The following AK9 variants were observed in gnomAD, a reference collection of about 807,000 sequenced individuals.
AK9 encodes adenylate kinase 9.
AK9 carries 191 observed loss-of-function variants against 239.6 expected under a neutral mutation model. The observed-to-expected ratio is 0.80, with a 90% CI of 0.71 to 0.90. The LOEUF is 0.90. AK9 is among the 40% of genes least tolerant of loss of function. The pLI is 0.00. For missense variants in AK9, 1,995 were observed against 2,214.7 expected, an observed-to-expected ratio of 0.90 and a Z score of 1.99; for synonymous variants, 689 against 721.0, an observed-to-expected ratio of 0.96 and a Z score of 0.71.
intron 18 of AK9, 83 bp downstream of exon 18, chr6:109,585,833 G>A: frequency 7.8e-7 from 1 of 1,281,142 alleles, no homozygotes; most frequent in Non-Finnish European, 1.1e-6. Context: ...TAGGAAGAGT[G>A]GAGAGTTGTC....
intron 12 of AK9, among the ~76,000 whole-genome samples, chr6:109,624,017 G>A (rs372187176): frequency 2.6e-5 from 4 of 151,430 alleles, no homozygotes; most frequent in South Asian, 4.2e-4. Flanking sequence ...TCACAATTAC[G>A]TAGAACATGT....
intron 32 of AK9, among the ~76,000 whole-genome samples, chr6:109,509,620 T>C (rs992953479): frequency 6.6e-6 from 1 of 151,862 alleles, no homozygotes; most frequent in Non-Finnish European, 1.5e-5. Flanking sequence ...CTCATCCTCC[T>C]GGGTGTGGCT....
intron 24 of AK9, among the ~76,000 whole-genome samples, chr6:109,551,096 G>C (rs1680407310): frequency 6.6e-6 from 1 of 151,674 alleles, no homozygotes; most frequent in Non-Finnish European, 1.5e-5. Flanking sequence ...AATACAAAGG[G>C]AATACTTTAC....
intron 8 of AK9, among the ~76,000 whole-genome samples, 186 bp downstream of exon 8, chr6:109,656,570 G>A (rs931064668): frequency 1.3e-5 from 2 of 152,130 alleles, no homozygotes; most frequent in Non-Finnish European, 2.9e-5. Flanking sequence ...CTTTGTAAGA[G>A]TAAAATAATA....
chr6:109,595,021 A>C (rs1790824656), intron 17 of AK9, among the ~76,000 whole-genome samples: 1 of 152,214 alleles, frequency 6.6e-6, no homozygotes, highest in Non-Finnish European at 1.5e-5. Flanking sequence ...GATCTAATTA[A>C]ATTAAAGAGC....
intron 32 of AK9, among the ~76,000 whole-genome samples, chr6:109,511,212 T>C (rs1040401947): frequency 6.6e-6 from 1 of 152,188 alleles, no homozygotes; most frequent in Non-Finnish European, 1.5e-5. Flanking sequence ...ATATTCCTGT[T>C]TCACTGAATT....
At chr6:109,530,383 T>A (rs1177311187) in intron 28 of AK9, among the ~76,000 whole-genome samples, 1 of 152,234 alleles carries the variant, frequency 6.6e-6, no homozygotes, top group Non-Finnish European at 1.5e-5. Context: ...ATTCATTTGG[T>A]TTATGAGCCC....
At chr6:109,552,517 G>A (rs1269410966) in intron 24 of AK9, among the ~76,000 whole-genome samples, 2 of 152,096 alleles carry the variant, frequency 1.3e-5, no homozygotes, top group Non-Finnish European at 2.9e-5. Context: ...AGAAGTGTCT[G>A]TTCATACATT....
chr6:109,664,870 T>TAA (rs1238437860), intron 5 of AK9, among the ~76,000 whole-genome samples: 3 of 148,946 alleles, frequency 2.0e-5, no homozygotes, highest in Admixed American at 1.3e-4. Context: ...CCATCTCTAC[T>TAA]AAAAAAAAAA....
intron 17 of AK9, among the ~76,000 whole-genome samples, chr6:109,607,105 T>C (rs1237082050): frequency 6.6e-6 from 1 of 152,076 alleles, no homozygotes; most frequent in African/African-American, 2.4e-5. Flanking sequence ...GGAGGCACAG[T>C]TTTTAAAATG....
chr6:109,591,748 C>G (rs1319198300), intron 17 of AK9, among the ~76,000 whole-genome samples: 2 of 151,956 alleles, frequency 1.3e-5, no homozygotes, highest in Admixed American at 1.3e-4. Context: ...GTGATGAATT[C>G]CCTTATTGTT....
Position 109,659,349 on chromosome 6 carries a change from A to G in AK9, c.509T>C (p.Ile170Thr), listed in dbSNP as rs1418845130. 2 of 1,612,284 alleles carry G rather than the reference A, an allele frequency of 1.2e-6. No homozygotes were observed. The highest frequency in any genetic ancestry group is 1.7e-6 in the Non-Finnish European group (2 of 1,179,626). The change falls in exon 7 of 41, where the codon ATA becomes ACA. Residue 170 changes from isoleucine (I) to threonine (T), a missense_variant. By Grantham distance (89) the Ile-to-Thr change is moderately conservative (BLOSUM62 -1). This residue lies in a region of AK9 where 252 missense variants were observed against 246.4 expected (regional missense o/e 1.02). Coordinates refer to ENST00000424296, the MANE Select transcript of AK9 (RefSeq NM_001145128.3). The stretch of plus-strand genomic sequence containing the variant: ...AGGATCCCACTGGTCTCTACTGTAT[A>G]TGTATCCCGTATTATTGTGCTGTCT... ...GQRQHNNTGY[I>T]YSRDQWDPEV... is the part of the protein sequence containing the mutation.
chr6:109,653,682 T>TCTC (rs143980301), intron 8 of AK9, among the ~76,000 whole-genome samples: 83,839 of 147,548 alleles, frequency 0.57, 25,432 homozygotes, highest in East Asian at 0.84. Flanking sequence ...ATTTTTTTTT[T>TCTC]TTTCTCTCTC....
At chr6:109,576,833 C>CTT (rs552286836) in intron 20 of AK9, among the ~76,000 whole-genome samples, 13 of 135,092 alleles carry the variant, frequency 9.6e-5, no homozygotes, top group African/African-American at 8.1e-5. Context: ...TCATAGATTT[C>CTT]TTTTTTTTTT....
intron 21 of AK9, among the ~76,000 whole-genome samples, chr6:109,566,795 A>G (rs995295374): frequency 4.6e-5 from 7 of 152,176 alleles, no homozygotes; most frequent in Non-Finnish European, 7.4e-5. Context: ...CCACTCAACT[A>G]CATGGAAACT....
chr6:109,581,055 G>A (rs978118795), intron 19 of AK9, among the ~76,000 whole-genome samples: 4 of 151,940 alleles, frequency 2.6e-5, no homozygotes, highest in African/African-American at 7.3e-5. Flanking sequence ...ATTGTTTGGG[G>A]CACCATGAAC....
At chr6:109,621,761 A>G (rs1198966425) in intron 12 of AK9, among the ~76,000 whole-genome samples, 1 of 143,928 alleles carries the variant, frequency 6.9e-6, no homozygotes, top group Non-Finnish European at 1.5e-5. Context: ...GGGATGGGGG[A>G]GGGATAGCAT....
intron 17 of AK9, among the ~76,000 whole-genome samples, chr6:109,603,484 TG>T (rs1583214220): frequency 6.6e-6 from 1 of 152,164 alleles, no homozygotes; most frequent in Non-Finnish European, 1.5e-5. Flanking sequence ...CTGCCCCTAC[TG>T]GGGGGTGCCT....
chr6:109,577,323 AT>A (rs1452186354), intron 20 of AK9, among the ~76,000 whole-genome samples: 2 of 152,240 alleles, frequency 1.3e-5, no homozygotes, highest in African/African-American at 4.8e-5. Flanking sequence ...CCATCCTTCC[AT>A]CCCTGGTATG....
Sources: allele counts gnomAD v4.1 joint callset (sites outside exome capture counted in the v4.1 genomes callset), GRCh38; gene constraint gnomAD v4.1.1; regional missense constraint gnomAD v4.1.1; transcripts MANE v1.5; gene names NCBI Gene and HGNC (gene_info 2026-07-23, HGNC 2026-07-21).